The following MCCC2 variants were observed in gnomAD, a reference collection of about 807,000 sequenced individuals.
The protein encoded by MCCC2 is methylcrotonyl-CoA carboxylase subunit 2.
In MCCC2, 52 loss-of-function variants were observed where a neutral mutation model predicts 77.2. That is an observed-to-expected ratio of 0.67 (90% CI 0.54 to 0.85). The LOEUF (loss-of-function observed/expected upper bound fraction) is 0.85. Among genes scored for constraint, MCCC2 ranks in the 40% least tolerant of loss-of-function variants. The pLI, the probability that MCCC2 is intolerant of heterozygous loss-of-function variation, is 0.00. For synonymous variants in MCCC2, 253 were observed against 248.4 expected (o/e 1.02, Z -0.18); for missense variants, 682 against 703.2 (o/e 0.97, Z 0.34).
intron 7 of MCCC2, among the ~76,000 whole-genome samples, chr5:71,628,257 G>A (rs1168643711): frequency 6.6e-6 from 1 of 152,188 alleles, no homozygotes; most frequent in Non-Finnish European, 1.5e-5. Flanking sequence ...TTAGTTGTAA[G>A]AATTCTATAT....
chr5:71,633,292 A>G lies in MCCC2; in HGVS notation c.803+1107A>G, dbSNP rs548354465. Among the ~76,000 whole-genome samples the G allele has an allele frequency of 2.0e-5, 3 of 151,666 alleles. No homozygotes were observed. The East Asian group carries it at 5.8e-4, about 29-fold the overall frequency. On this transcript the variant is annotated intron_variant, in intron 8 of 16. Transcript: ENST00000340941. ...ATTTTTAAGCAGTTTGACTATTTAA[A>G]AAAAGTAAAGCTGTAGGCAATATAT... is the stretch of plus-strand genomic sequence containing the variant.
At chr5:71,641,581 G>A (rs913252892) in intron 11 of MCCC2, among the ~76,000 whole-genome samples, 2 of 152,208 alleles carry the variant, frequency 1.3e-5, no homozygotes, top group East Asian at 1.9e-4. Flanking sequence ...AGTATATCAC[G>A]TCAGGAAAAA....
At chr5:71,623,403 AG>A (rs1746424512) in intron 6 of MCCC2, among the ~76,000 whole-genome samples, 1 of 152,100 alleles carries the variant, frequency 6.6e-6, no homozygotes, top group Non-Finnish European at 1.5e-5. Flanking sequence ...AGCGCTTTGG[AG>A]GCCTGTTTCT....
At chr5:71,644,913 T>G (rs1057467727) in intron 12 of MCCC2, among the ~76,000 whole-genome samples, 7 of 152,192 alleles carry the variant, frequency 4.6e-5, no homozygotes, top group African/African-American at 1.7e-4. Context: ...AAATCACTTA[T>G]AATTATACCA....
chr5:71,622,042 G>C (rs1174432313), intron 6 of MCCC2, among the ~76,000 whole-genome samples: 1 of 152,060 alleles, frequency 6.6e-6, no homozygotes, highest in African/African-American at 2.4e-5. Flanking sequence ...AGCACTTTGG[G>C]AGGTCAAGGT....
At chr5:71,611,312 G>A (rs1745934049) in intron 6 of MCCC2, among the ~76,000 whole-genome samples, 1 of 152,116 alleles carries the variant, frequency 6.6e-6, no homozygotes, top group Non-Finnish European at 1.5e-5. Context: ...TGAGGTAGGA[G>A]GATCACTTGA....
intron 1 of MCCC2, among the ~76,000 whole-genome samples, chr5:71,592,010 C>G (rs1422556364): frequency 6.6e-6 from 1 of 152,186 alleles, no homozygotes; most frequent in Non-Finnish European, 1.5e-5. Context: ...TTAAGCGATG[C>G]TCCTGCCTCC....
chr5:71,646,098 T>G (rs1747266269), intron 12 of MCCC2, 113 bp from the exon 13 acceptor site: 2 of 868,162 alleles, frequency 2.3e-6, no homozygotes, highest in South Asian at 1.6e-5. Flanking sequence ...AGAAAAAATT[T>G]TAAAGGGGAG....
At chr5:71,619,939 C>G (rs933807127) in intron 6 of MCCC2, among the ~76,000 whole-genome samples, 13 of 151,346 alleles carry the variant, frequency 8.6e-5, no homozygotes, top group African/African-American at 2.9e-4. Flanking sequence ...CGCAGTGAGC[C>G]AAGATCACGC....
chr5:71,602,568 C>T lies in MCCC2; in HGVS notation c.446C>T (p.Thr149Ile), dbSNP rs727504008. Reference sequence around the variant, plus strand: ...AAAGGAGGTGCCTACTACCCAGTGACTGTGAAAAAACAATTACGGGCCCAA... The same window carrying T: ...AAAGGAGGTGCCTACTACCCAGTGATTGTGAAAAAACAATTACGGGCCCAA... ...TVKGGAYYPV[T>I]VKKQLRAQEI... The change falls in exon 5 of 17, where the codon ACT (threonine) becomes ATT (isoleucine). Residue 149 changes from threonine (T) to isoleucine (I), a missense_variant. Thr to Ile is a moderately conservative substitution (Grantham distance 89, BLOSUM62 -1). Transcript: ENST00000340941. The T allele has an allele frequency of 1.2e-6, 2 of 1,614,134 alleles. No homozygotes were observed. Among genetic ancestry groups the T allele is most frequent in the Middle Eastern group, 1.6e-4 (1 of 6,062 alleles).
At chr5:71,644,460 T>TTTA (rs1029716521) in intron 12 of MCCC2, among the ~76,000 whole-genome samples, 28 of 152,088 alleles carry the variant, frequency 1.8e-4, no homozygotes, top group African/African-American at 6.5e-4. Flanking sequence ...GTTCTTTTTA[T>TTTA]TTATTATTAT....
At chr5:71,637,533 G>A (rs1004284662) in intron 10 of MCCC2, among the ~76,000 whole-genome samples, 2 of 152,186 alleles carry the variant, frequency 1.3e-5, no homozygotes, top group Non-Finnish European at 2.9e-5. Flanking sequence ...ATCTTTTGCT[G>A]GTGGAGGGTC....
intron 7 of MCCC2, among the ~76,000 whole-genome samples, chr5:71,629,882 G>C (rs925802300): frequency 1.4e-4 from 21 of 152,034 alleles, no homozygotes; most frequent in Non-Finnish European, 2.9e-4. Flanking sequence ...GGCCATTCTT[G>C]TTTATTTTTT....
intron 10 of MCCC2, among the ~76,000 whole-genome samples, chr5:71,638,159 C>A (rs1245593342): frequency 6.6e-6 from 1 of 152,160 alleles, no homozygotes; most frequent in African/African-American, 2.4e-5. Flanking sequence ...CAAGAAACTT[C>A]TTTTTTTGCT....
intron 16 of MCCC2, among the ~76,000 whole-genome samples, 176 bp from the exon 17 acceptor site, chr5:71,656,567 C>T (rs1300111089): frequency 2.0e-5 from 3 of 152,260 alleles, no homozygotes; most frequent in Non-Finnish European, 4.4e-5. Flanking sequence ...TTTTTTTCCA[C>T]GTTTTCCCCC....
rs374049769 is a variant in MCCC2, at chr5:71,650,186, C to T, written c.1488+3C>T. 11 of 1,613,040 alleles carry T rather than the reference C, an allele frequency of 6.8e-6. No homozygotes were observed. Among genetic ancestry groups the T allele is most frequent in the African/African-American group, 5.3e-5 (4 of 74,902 alleles). ...AAAGAGCCCGGGAAGGAAAGCAGGT[C>T]GGTGTCGTTTTCTCTTGTTTCTCTC... is the stretch of plus-strand genomic sequence containing the variant. On this transcript the variant is annotated splice_donor_region_variant and intron_variant, in intron 15 of 16. Coordinates refer to ENST00000340941, the MANE Select transcript of MCCC2 (RefSeq NM_022132.5).
At chr5:71,653,668 G>T (rs1270245076) in intron 16 of MCCC2, among the ~76,000 whole-genome samples, 1 of 151,928 alleles carries the variant, frequency 6.6e-6, no homozygotes, top group Admixed American at 6.6e-5. Flanking sequence ...GGGCAACATG[G>T]TGAGACCCAG....
intron 6 of MCCC2, 61 bp from the exon 7 acceptor site, chr5:71,626,579 A>G: frequency 7.5e-7 from 1 of 1,330,910 alleles, no homozygotes; most frequent in East Asian, 2.3e-5. Context: ...TCTGGATCAA[A>G]CACTATAGAA....
At chr5:71,589,003 G>A in intron 1 of MCCC2, among the ~76,000 whole-genome samples, 1 of 152,180 alleles carries the variant, frequency 6.6e-6, no homozygotes, top group East Asian at 1.9e-4. Flanking sequence ...TCAGTGTGGT[G>A]GCAATGTGGA....
Sources: allele counts gnomAD v4.1 joint callset (sites outside exome capture counted in the v4.1 genomes callset), GRCh38; gene constraint gnomAD v4.1.1; transcripts MANE v1.5; gene names NCBI Gene and HGNC (gene_info 2026-07-23, HGNC 2026-07-21).